Variants in NBEAL1 observed in about 807,000 individuals in gnomAD.
The protein encoded by NBEAL1 is neurobeachin-like protein 1.
NBEAL1 carries 273 observed loss-of-function variants against 351.3 expected under a neutral mutation model. The observed-to-expected ratio is 0.78, with a 90% CI of 0.70 to 0.86. NBEAL1 has a LOEUF of 0.86. Ranked by LOEUF, NBEAL1 falls within the 40% of genes least tolerant of loss-of-function variation. The pLI is 0.00. For missense variants in NBEAL1, 2,961 were observed against 3,201.3 expected, an observed-to-expected ratio of 0.92 and a Z score of 1.81; for synonymous variants, 1,050 against 1,086.4, an observed-to-expected ratio of 0.97 and a Z score of 0.66.
chr2:203,089,378 C>A (rs2062024105), intron 10 of NBEAL1, among the ~76,000 whole-genome samples: 1 of 151,588 alleles, frequency 6.6e-6, no homozygotes, highest in Non-Finnish European at 1.5e-5. Context: ...AAAAAAGATC[C>A]CCACTTTGTT....
Position 203,175,263 on chromosome 2 carries a change from T to C in NBEAL1, c.6440T>C (p.Leu2147Pro). 6.2e-7 allele frequency: 1 copy of C among 1,613,542 alleles called. No homozygotes were observed. The highest frequency in any genetic ancestry group is 8.5e-7 in the Non-Finnish European group (1 of 1,179,816). ...ATTCGTGTAGAACCGTTCACCACCCTCCACATCCAACTTCAGAGTGGAAGG... is the reference window on the plus strand; with the variant it reads ...ATTCGTGTAGAACCGTTCACCACCCCCCACATCCAACTTCAGAGTGGAAGG... Reference protein sequence around the residue: ...YLIRVEPFTTLHIQLQSGRFD... With the variant: ...YLIRVEPFTTPHIQLQSGRFD... Residue 2147 changes from leucine to proline, a missense_variant, in exon 42 of 56, where the codon CTC (leucine) becomes CCC (proline). Leu to Pro is a moderately conservative substitution (Grantham distance 98). Transcript: ENST00000683969.
intron 44 of NBEAL1, 34 bp downstream of exon 44, chr2:203,183,422 A>G (rs775534588): frequency 8.4e-7 from 1 of 1,194,842 alleles, no homozygotes; most frequent in Non-Finnish European, 1.2e-6. Flanking sequence ...TTGACAGAAT[A>G]ATAAGATAAA....
At chr2:203,210,889 AGTTTTAACTG>A in intron 53 of NBEAL1, 59 bp from the exon 54 acceptor site, 1 of 855,292 alleles carries the variant, frequency 1.2e-6, no homozygotes, top group East Asian at 2.6e-5. Context: ...TTATAGTCAG[AGTTTTAACTG>A]GTTATATAAA....
chr2:203,083,537 A>G lies in NBEAL1; in HGVS notation c.991+12A>G. Reference sequence around the variant, plus strand: ...GATCAAAATGCTGAGTAAGTATTACATAATGACAACTTTTTCTGAGTCTGT... The same window carrying G: ...GATCAAAATGCTGAGTAAGTATTACGTAATGACAACTTTTTCTGAGTCTGT... On this transcript the variant is annotated intron_variant, in intron 9 of 55. Transcript: ENST00000683969. The G allele has an allele frequency of 2.0e-6, 3 of 1,492,746 alleles. No homozygotes were observed. The highest frequency in any genetic ancestry group is 2.7e-6 in the Non-Finnish European group (3 of 1,119,594). 92.5% of individuals were successfully genotyped at this position (1,492,746 alleles called of 1,614,324 possible). A position where few individuals can be genotyped will look rare whatever the true frequency, so the allele number is the denominator to read the frequency against.
At position 203,217,613 on chromosome 2, in the gene NBEAL1, A is replaced by G. The variant is rs942467253; in HGVS notation, c.*259A>G. On this transcript the variant is annotated 3_prime_UTR_variant, in exon 56 of 56. Coordinates refer to ENST00000683969, the MANE Select transcript of NBEAL1 (RefSeq NM_001378026.1). The stretch of plus-strand genomic sequence containing the variant: ...TTTTAAAACAAACTAAAATGAGAAC[A>G]TTAGGTTCAATTTTCTTATTATTCC... 1.9e-6 allele frequency: 2 copies of G among 1,032,424 alleles called. No homozygotes were observed. Among genetic ancestry groups the G allele is most frequent in the South Asian group, 4.6e-5 (1 of 21,534 alleles). The allele number at this position is 1,032,424 out of a possible 1,614,324, so 64.0% of individuals were successfully genotyped here.
At chr2:203,100,611 A>G (rs1305529955) in intron 12 of NBEAL1, among the ~76,000 whole-genome samples, 1 of 148,462 alleles carries the variant, frequency 6.7e-6, no homozygotes, top group African/African-American at 2.5e-5. Flanking sequence ...CAGTAGCACG[A>G]TCTCAGCTCA....
intron 31 of NBEAL1, among the ~76,000 whole-genome samples, chr2:203,142,434 G>A (rs1039237207): frequency 6.6e-6 from 1 of 152,184 alleles, no homozygotes; most frequent in South Asian, 2.1e-4. Flanking sequence ...GGGATTACAG[G>A]TGTGTGCCAC....
At chr2:203,150,675 T>C (rs2063628268) in intron 34 of NBEAL1, among the ~76,000 whole-genome samples, 1 of 152,172 alleles carries the variant, frequency 6.6e-6, no homozygotes, top group African/African-American at 2.4e-5. Context: ...TCCTTATCTT[T>C]TCTCCTAAGA....
intron 29 of NBEAL1, 101 bp downstream of exon 29, chr2:203,136,875 A>T (rs2063225246): frequency 1.9e-6 from 2 of 1,064,526 alleles, no homozygotes; most frequent in Non-Finnish European, 2.7e-6. Flanking sequence ...TGTGGATATA[A>T]CAAGGGAGAA....
At position 203,083,440 on chromosome 2, in the gene NBEAL1, A is replaced by G. The variant is rs528068477; in HGVS notation, c.906A>G (p.Leu302=). The change falls in exon 9 of 56, where the codon CTA becomes CTG. Residue 302 remains leucine (L), a synonymous_variant. Coordinates refer to ENST00000683969, the MANE Select transcript of NBEAL1 (RefSeq NM_001378026.1). ...TTCTGGAGAACTATTTTAAATTGCT[A>G]AATTCAGATCATTCAGCTTTACCTA... is the stretch of plus-strand genomic sequence containing the variant. ...STILENYFKL[L]NSDHSALPNQ... is the part of the protein sequence containing the mutation. 1.0e-5 allele frequency: 16 copies of G among 1,553,530 alleles called. No individual in the cohort carries two copies. The highest frequency in any genetic ancestry group is 1.4e-5 in the African/African-American group (1 of 73,540).
In NBEAL1 at chr2:203,135,968, AAC is replaced by A. The variant is rs1239251103; in HGVS notation, c.4110_4111del (p.Pro1371IlefsTer6). On this transcript the variant is annotated frameshift_variant, in exon 28 of 56. Transcript: ENST00000683969. LOFTEE classifies it high-confidence loss of function. Reference protein sequence around the residue: ...SLEDRHSLDSNTPLFPEDSSV... With the variant: ...SLEDRHSLDSXTPLFPEDSSV... Reference sequence around the variant, plus strand: ...GGAGGATAGACACTCTTTAGACTCAAACACACCATTATTTCCAGAAGATAGCT... The same window carrying A: ...GGAGGATAGACACTCTTTAGACTCAAACACCATTATTTCCAGAAGATAGCT... The A allele has an allele frequency of 6.2e-7, 1 of 1,614,050 alleles. No individual in the cohort carries two copies. The highest frequency in any genetic ancestry group is 8.5e-7 in the Non-Finnish European group (1 of 1,179,924).
chr2:203,083,884 A>G (rs937199731), intron 9 of NBEAL1, among the ~76,000 whole-genome samples: 1 of 152,000 alleles, frequency 6.6e-6, no homozygotes, highest in Non-Finnish European at 1.5e-5. Context: ...TGAATTTTGT[A>G]TGTGCCTCTA....
chr2:203,206,310 A>G (rs2065555161), intron 51 of NBEAL1, among the ~76,000 whole-genome samples: 1 of 152,238 alleles, frequency 6.6e-6, no homozygotes, highest in Non-Finnish European at 1.5e-5. Context: ...CAGCCAAGAC[A>G]TATTTAAAAA....
chr2:203,127,218 G>A (rs2106286005), intron 23 of NBEAL1, among the ~76,000 whole-genome samples: 1 of 152,254 alleles, frequency 6.6e-6, no homozygotes, highest in East Asian at 1.9e-4. Flanking sequence ...GTTGTTTTGA[G>A]GATTAAGTTA....
rs771046538 is a variant in NBEAL1, at chr2:203,112,037, A to G, written c.2141A>G (p.Tyr714Cys). ...AGGCCTTTTGGTCAGAGCTTCGTCT[A>G]TATCTATGACAATGGACAACAGAAG... ...GKRPFGQSFVYIYDNGQQKVS... is the reference protein window; with the variant it reads ...GKRPFGQSFVCIYDNGQQKVS... The change falls in exon 16 of 56, where the codon TAT becomes TGT. Residue 714 changes from tyrosine (Y) to cysteine (C), a missense_variant. Coordinates refer to ENST00000683969, the MANE Select transcript of NBEAL1 (RefSeq NM_001378026.1). 1.0e-5 allele frequency: 16 copies of G among 1,552,312 alleles called. No individual in the cohort carries two copies. The highest frequency in any genetic ancestry group is 4.8e-5 in the South Asian group (4 of 84,030).
At position 203,017,525 on chromosome 2, in the gene NBEAL1, A is replaced by G. The variant is rs541393933; in HGVS notation, c.51+1090A>G. ...ACCAGAAATGTCTTTTTAAAAATAG[A>G]CGCTTCCAATAAAAAAGGAATCCAA... On this transcript the variant is annotated intron_variant, in intron 2 of 55. Transcript: ENST00000683969. Among the ~76,000 whole-genome samples, 6 of 152,300 alleles carry G rather than the reference A, an allele frequency of 3.9e-5. No individual in the cohort carries two copies. The East Asian group carries it at 9.6e-4, about 24-fold the overall frequency.
chr2:203,172,449 A>G (rs1193364881), intron 40 of NBEAL1, among the ~76,000 whole-genome samples: 1 of 152,102 alleles, frequency 6.6e-6, no homozygotes, highest in East Asian at 1.9e-4. Context: ...TGAACTCAGG[A>G]GGCAGAGGTT....
At chr2:203,202,965 T>C (rs2065443392) in intron 51 of NBEAL1, among the ~76,000 whole-genome samples, 184 bp downstream of exon 51, 1 of 152,220 alleles carries the variant, frequency 6.6e-6, no homozygotes, top group Non-Finnish European at 1.5e-5. Context: ...TCTGATTCAT[T>C]ACCTTATTCC....
intron 37 of NBEAL1, among the ~76,000 whole-genome samples, chr2:203,166,988 C>G (rs897397380): frequency 3.9e-5 from 6 of 152,096 alleles, no homozygotes; most frequent in African/African-American, 1.4e-4. Context: ...AAAACTGTTT[C>G]TGAGATGTAT....
Sources: allele counts gnomAD v4.1 joint callset (sites outside exome capture counted in the v4.1 genomes callset), GRCh38; gene constraint gnomAD v4.1.1; transcripts MANE v1.5; gene names NCBI Gene and HGNC (gene_info 2026-07-23, HGNC 2026-07-21).